The following DGKH variants were observed in gnomAD, a reference collection of about 807,000 sequenced individuals.
The protein encoded by DGKH is DAG kinase eta.
Under a neutral mutation model 159.3 loss-of-function variants are expected in DGKH, and 90 were observed. The ratio of observed to expected loss-of-function variants is 0.57; its 90% CI spans 0.48 to 0.67. The LOEUF is 0.67. Among genes scored for constraint, DGKH ranks in the 30% least tolerant of loss-of-function variants. DGKH has a pLI of 0.00. For missense variants in DGKH, 1,181 were observed against 1,506.1 expected, an observed-to-expected ratio of 0.78 and a Z score of 3.57; for synonymous variants, 536 against 553.8, an observed-to-expected ratio of 0.97 and a Z score of 0.45.
intron 3 of DGKH, among the ~76,000 whole-genome samples, chr13:42,151,609 A>ACCC (rs1566134893): frequency 1.9e-5 from 2 of 103,730 alleles, no homozygotes; most frequent in East Asian, 1.4e-3. Context: ...ACACACACAC[A>ACCC]CACACCCCAT....
chr13:42,246,269 G>A (rs1267997238), downstream of DGKH, among the ~76,000 whole-genome samples: 1 of 152,134 alleles, frequency 6.6e-6, no homozygotes, highest in East Asian at 1.9e-4. Context: ...AGCCTGGGAT[G>A]GTGATACCAG....
intron 3 of DGKH, among the ~76,000 whole-genome samples, chr13:42,151,369 G>T (rs1955878321): frequency 6.6e-6 from 1 of 151,372 alleles, no homozygotes; most frequent in Non-Finnish European, 1.5e-5. Flanking sequence ...AGAACATGTG[G>T]TACTTCTGCT....
intron 1 of DGKH, among the ~76,000 whole-genome samples, chr13:42,097,268 T>C (rs1234779853): frequency 6.6e-6 from 1 of 152,252 alleles, no homozygotes; most frequent in Non-Finnish European, 1.5e-5. Flanking sequence ...ATTATTTAGA[T>C]GTTGGACCTC....
intron 11 of DGKH, among the ~76,000 whole-genome samples, chr13:42,172,441 TTACA>T: frequency 6.6e-6 from 1 of 152,284 alleles, no homozygotes; most frequent in East Asian, 1.9e-4. Context: ...AGTAACTAGT[TTACA>T]TGTCCCAAAA....
rs1256339101 is a variant in DGKH, at chr13:42,231,921, T to C, written c.*2733T>C. The C allele has an allele frequency of 6.6e-6, 1 of 152,162 alleles. No individual in the cohort carries two copies. The highest frequency in any genetic ancestry group is 2.4e-5 in the African/African-American group (1 of 41,436). The allele number at this position is 152,162 out of a possible 1,614,324, so 9.4% of individuals were successfully genotyped here. Reference sequence around the variant, plus strand: ...TGAGGGAAATTCTATAAAATGACAATTTGGATATACTTTTTGTTAAATGAG... The same window carrying C: ...TGAGGGAAATTCTATAAAATGACAACTTGGATATACTTTTTGTTAAATGAG... On this transcript the variant is annotated 3_prime_UTR_variant, in exon 30 of 30. Coordinates refer to ENST00000337343, the MANE Select transcript of DGKH (RefSeq NM_178009.5).
intron 1 of DGKH, among the ~76,000 whole-genome samples, chr13:42,078,086 A>G (rs1016430866): frequency 2.0e-5 from 3 of 152,218 alleles, no homozygotes; most frequent in Non-Finnish European, 4.4e-5. Context: ...TGGAACTAAA[A>G]TTACTCTGTT....
Position 42,206,050 on chromosome 13 carries a change from G to A in DGKH, c.2505G>A (p.Gln835=), listed in dbSNP as rs1018639970. 26 of 1,399,902 alleles carry A rather than the reference G, an allele frequency of 1.9e-5. No individual in the cohort carries two copies. The highest frequency in any genetic ancestry group is 1.8e-4 in the African/African-American group (12 of 66,042). The allele number at this position is 1,399,902 out of a possible 1,614,324, so 86.7% of individuals were successfully genotyped here. Residue 835 remains glutamine (Q), a synonymous_variant, in exon 21 of 30, where the codon CAG becomes CAA. Coordinates refer to ENST00000337343, the MANE Select transcript of DGKH (RefSeq NM_178009.5). ...EQRVQLECDG[Q]YIPLPSLQGI... is the part of the protein sequence containing the mutation. ...TTTTTACCTTACAGTGTGATGGGCA[G>A]TATATTCCTCTTCCCAGCTTGCAAG... is the stretch of plus-strand genomic sequence containing the variant.
chr13:42,104,555 T>C (rs147725255), intron 1 of DGKH, among the ~76,000 whole-genome samples: 180 of 152,308 alleles, frequency 1.2e-3, no homozygotes, highest in Non-Finnish European at 2.2e-3. Flanking sequence ...ACCAGGTGTC[T>C]TTAAGAGGAT....
chr13:42,216,322 G>A (rs1037272), intron 26 of DGKH, among the ~76,000 whole-genome samples: 20,134 of 152,220 alleles, frequency 0.13, 1,698 homozygotes, highest in Admixed American at 0.23. Context: ...CCTAGAGTTC[G>A]GTTGTGGCTT....
At chr13:42,065,125 C>G (rs1882467947) in intron 1 of DGKH, among the ~76,000 whole-genome samples, 1 of 152,160 alleles carries the variant, frequency 6.6e-6, no homozygotes, top group South Asian at 2.1e-4. Flanking sequence ...CAATAGGGCA[C>G]CTCCGAACGT....
intron 1 of DGKH, among the ~76,000 whole-genome samples, chr13:42,054,642 T>C (rs1881618165): frequency 6.6e-6 from 1 of 152,214 alleles, no homozygotes; most frequent in Non-Finnish European, 1.5e-5. Flanking sequence ...AATAAGTTCT[T>C]ATTCTGGAGA....
chr13:42,112,575 A>G (rs1046532588), intron 1 of DGKH, among the ~76,000 whole-genome samples: 2 of 152,238 alleles, frequency 1.3e-5, no homozygotes, highest in African/African-American at 4.8e-5. Flanking sequence ...ATTTGGGAAA[A>G]GCTCAGATGA....
chr13:42,165,481 T>C (rs2138003186), intron 8 of DGKH, 48 bp downstream of exon 8: 1 of 1,041,494 alleles, frequency 9.6e-7, no homozygotes, highest in East Asian at 2.8e-5. Context: ...TATTTAACAT[T>C]GATATGTATA....
At chr13:42,196,381 A>G (rs1957204295) in intron 17 of DGKH, among the ~76,000 whole-genome samples, 1 of 152,232 alleles carries the variant, frequency 6.6e-6, no homozygotes, top group Non-Finnish European at 1.5e-5. Context: ...CAATAGCCCC[A>G]AAGTGGAAGC....
chr13:42,069,057 C>A (rs1481072159), intron 1 of DGKH: 1 of 1,427,912 alleles, frequency 7.0e-7, no homozygotes, highest in Non-Finnish European at 9.9e-7. Flanking sequence ...TGTGAAACTG[C>A]GGGATGCCTA....
rs535882457 is a variant in DGKH, at chr13:42,181,673, A to G, written c.1538+3453A>G. The stretch of plus-strand genomic sequence containing the variant: ...CAGCATTACTTCCTCTGTTTAAGCC[A>G]CCCCATTCCCATGATAGTTGACCCA... On this transcript the variant is annotated intron_variant, in intron 13 of 29. Coordinates refer to ENST00000337343, the MANE Select transcript of DGKH (RefSeq NM_178009.5). 1.5e-5 allele frequency: 6 copies of G among 401,130 alleles called. No homozygotes were observed. In the East Asian group the frequency reaches 2.5e-4, roughly 16 times the overall value. The allele number at this position is 401,130 out of a possible 1,614,324, so 24.8% of individuals were successfully genotyped here.
chr13:42,185,583 A>G (rs552415246), intron 13 of DGKH, among the ~76,000 whole-genome samples: 1 of 152,360 alleles, frequency 6.6e-6, no homozygotes, highest in African/African-American at 2.4e-5. Flanking sequence ...TGATGTTATA[A>G]TAATGGCAAG....
chr13:42,173,466 T>C (rs1482345431), intron 11 of DGKH, among the ~76,000 whole-genome samples: 1 of 152,204 alleles, frequency 6.6e-6, no homozygotes, highest in Non-Finnish European at 1.5e-5. Flanking sequence ...TTAAGTATTA[T>C]TAATATTTTC....
chr13:42,194,913 C>T lies in DGKH; in HGVS notation c.2064C>T (p.Ala688=). 1.2e-6 allele frequency: 2 copies of T among 1,613,788 alleles called. No homozygotes were observed. Among genetic ancestry groups the T allele is most frequent in the Non-Finnish European group, 8.5e-7 (1 of 1,179,874 alleles). ...TVKTAPRSPD[A]RASYGHSQTD... ...AAACTGCACCTCGGTCTCCAGATGC[C>T]CGGGCAAGTTATGGCCATTCCCAAA... Residue 688 remains alanine, a synonymous_variant, in exon 17 of 30, where the codon GCC becomes GCT. Coordinates refer to ENST00000337343, the MANE Select transcript of DGKH (RefSeq NM_178009.5).
Sources: gnomAD v4.1 joint callset for allele counts (sites outside exome capture counted in the v4.1 genomes callset) on GRCh38, gnomAD v4.1.1 for gene constraint, MANE v1.5 for transcripts, NCBI Gene and HGNC (gene_info 2026-07-23, HGNC 2026-07-21) for gene names.